The following GRAMD1C variants were observed in gnomAD, a reference collection of about 807,000 sequenced individuals.
The protein encoded by GRAMD1C is GRAM domain containing 1C, also known as protein Aster-C.
GRAMD1C carries 89 observed loss-of-function variants against 97.8 expected under a neutral mutation model. That is an observed-to-expected ratio of 0.91 (90% CI 0.77 to 1.09). The LOEUF (loss-of-function observed/expected upper bound fraction) is 1.09, where lower values mean the gene tolerates loss of function less well. Ranked by LOEUF, GRAMD1C falls within the 50% of genes least tolerant of loss-of-function variation. GRAMD1C has a pLI of 0.00. For missense variants in GRAMD1C, 740 were observed against 766.4 expected (o/e 0.97, Z 0.41); for synonymous variants, 256 against 267.0 (o/e 0.96, Z 0.40).
chr3:113,886,469 G>T (rs1935484866), intron 6 of GRAMD1C, among the ~76,000 whole-genome samples: 1 of 152,122 alleles, frequency 6.6e-6, no homozygotes, highest in Non-Finnish European at 1.5e-5. Flanking sequence ...GCTGGGCTGT[G>T]GGTGGGATAC....
chr3:113,930,699 G>A lies in GRAMD1C; in HGVS notation c.1091-15G>A. The stretch of plus-strand genomic sequence containing the variant: ...AGTTTCTAGAACTAACTCATTTTGT[G>A]TTTGTTGTTGTTAGATGTAGTATCT... On this transcript the variant is annotated splice_polypyrimidine_tract_variant and intron_variant, in intron 10 of 17. Transcript: ENST00000358160. 7.6e-7 allele frequency: 1 copy of A among 1,307,490 alleles called. No homozygotes were observed. The highest frequency in any genetic ancestry group is 1.1e-6 in the Non-Finnish European group (1 of 901,606). The allele number at this position is 1,307,490 out of a possible 1,614,324, so 81.0% of individuals were successfully genotyped here. A position where few individuals can be genotyped will look rare whatever the true frequency, so the allele number is the denominator to read the frequency against.
intron 6 of GRAMD1C, chr3:113,886,144 T>C (rs1296445957): frequency 6.8e-7 from 1 of 1,466,688 alleles, no homozygotes; most frequent in Non-Finnish European, 9.0e-7. Flanking sequence ...CTGGGCAGGG[T>C]CTGCCCCTCC....
chr3:113,926,034 G>A (rs1311271147), intron 10 of GRAMD1C, among the ~76,000 whole-genome samples: 3 of 152,142 alleles, frequency 2.0e-5, no homozygotes, highest in East Asian at 3.9e-4. Flanking sequence ...GTGTCTTGGG[G>A]ATGGTTGTCT....
chr3:113,912,157 G>C (rs1482268466), intron 9 of GRAMD1C, among the ~76,000 whole-genome samples: 1 of 152,158 alleles, frequency 6.6e-6, no homozygotes, highest in Admixed American at 6.5e-5. Flanking sequence ...CCTATGGTTA[G>C]AGTGAGTTAA....
At chr3:113,881,229 G>A (rs1349063820) in intron 5 of GRAMD1C, among the ~76,000 whole-genome samples, 1 of 152,040 alleles carries the variant, frequency 6.6e-6, no homozygotes, top group African/African-American at 2.4e-5. Flanking sequence ...ATCCTAGCTC[G>A]CTGCAACCTC....
chr3:113,850,374 C>A, intron 2 of GRAMD1C: 2 of 808,362 alleles, frequency 2.5e-6, no homozygotes, highest in Non-Finnish European at 4.4e-6. Context: ...CTGTCGGCTT[C>A]CCCTTTTGTG....
intron 17 of GRAMD1C, among the ~76,000 whole-genome samples, chr3:113,941,411 G>T (rs1364009563): frequency 6.6e-6 from 1 of 151,890 alleles, no homozygotes; most frequent in East Asian, 1.9e-4. Context: ...TACAACTCCT[G>T]TTATTCAGAT....
At position 113,843,503 on chromosome 3, in the gene GRAMD1C, A is replaced by G. The variant is rs560216666; in HGVS notation, c.28-1000A>G. On this transcript the variant is annotated intron_variant, in intron 1 of 17. Transcript: ENST00000358160. Reference sequence around the variant, plus strand: ...CGATGGGCCCATATTTTTTTGAGACAGAGTCTGGCTCTGTCACCCAGGCTG... The same window carrying G: ...CGATGGGCCCATATTTTTTTGAGACGGAGTCTGGCTCTGTCACCCAGGCTG... 6.4e-4 allele frequency among the ~76,000 whole-genome samples: 97 copies of G among 152,070 alleles called. 1 individual carries two copies. Among genetic ancestry groups the G allele is most frequent in the African/African-American group, 2.2e-3 (93 of 41,492 alleles).
At chr3:113,870,369 AACC>A (rs772762508) in intron 3 of GRAMD1C, among the ~76,000 whole-genome samples, 367 of 151,820 alleles carry the variant, frequency 2.4e-3, no homozygotes, top group Non-Finnish European at 4.0e-3. Context: ...CCCACCCCCA[AACC>A]CCCGCTCAAA....
intron 10 of GRAMD1C, chr3:113,919,639 G>T: frequency 1.5e-6 from 1 of 646,986 alleles, no homozygotes; most frequent in South Asian, 1.5e-5. Flanking sequence ...TGAGAAGACT[G>T]ACAGATTTAG....
intron 2 of GRAMD1C, among the ~76,000 whole-genome samples, chr3:113,866,562 T>C (rs1330026827): frequency 6.6e-6 from 1 of 152,228 alleles, no homozygotes; most frequent in Non-Finnish European, 1.5e-5. Context: ...AATAACCATT[T>C]TGCTATTTAT....
At chr3:113,881,635 T>G (rs1363279792) in intron 5 of GRAMD1C, among the ~76,000 whole-genome samples, 3 of 152,156 alleles carry the variant, frequency 2.0e-5, no homozygotes, top group Non-Finnish European at 4.4e-5. Flanking sequence ...AAGTGGGAAT[T>G]AGCAAGCATA....
intron 7 of GRAMD1C, among the ~76,000 whole-genome samples, chr3:113,902,871 C>T (rs113901366): frequency 0.018 from 2,686 of 152,078 alleles, 35 homozygotes; most frequent in Non-Finnish European, 0.027. Context: ...GAACTCCTGA[C>T]CTTAAGTGAT....
intron 13 of GRAMD1C, among the ~76,000 whole-genome samples, chr3:113,935,461 A>G (rs1307421839): frequency 6.6e-6 from 1 of 151,752 alleles, no homozygotes; most frequent in East Asian, 1.9e-4. Flanking sequence ...TTCTCTTTGG[A>G]TATTTCTTAA....
chr3:113,878,618 T>A (rs1430189691), intron 5 of GRAMD1C, among the ~76,000 whole-genome samples: 2 of 152,146 alleles, frequency 1.3e-5, no homozygotes, highest in African/African-American at 2.4e-5. Context: ...ACAGGCGTGA[T>A]TTATGTAATC....
In GRAMD1C at chr3:113,934,460, C is replaced by T. The variant is rs1937539392; in HGVS notation, c.1381C>T (p.Gln461Ter). 1.9e-6 allele frequency: 3 copies of T among 1,566,928 alleles called. No homozygotes were observed. The highest frequency in any genetic ancestry group is 2.6e-6 in the Non-Finnish European group (3 of 1,145,598). Residue 461 changes from glutamine (Q) to a stop codon, truncating the protein, a stop_gained, in exon 13 of 18, where the codon CAG (glutamine) becomes TAG (stop). Transcript: ENST00000358160. LOFTEE classifies it high-confidence loss of function. ...RVSTDLKYRK[Q>*]PWGLVKSLIE... is the part of the protein sequence containing the mutation. Reference sequence around the variant, plus strand: ...TTCCACAGATTTGAAATACAGAAAACAGCCATGGGGCCTTGTCAAATCTTT... The same window carrying T: ...TTCCACAGATTTGAAATACAGAAAATAGCCATGGGGCCTTGTCAAATCTTT...
chr3:113,854,479 C>A (rs181893298), intron 2 of GRAMD1C, among the ~76,000 whole-genome samples: 4 of 152,154 alleles, frequency 2.6e-5, no homozygotes, highest in African/African-American at 9.7e-5. Flanking sequence ...GGAAGCCTTT[C>A]AAGGACAATG....
intron 3 of GRAMD1C, 26 bp from the exon 4 acceptor site, chr3:113,875,458 G>A (rs1934987803): frequency 9.6e-6 from 9 of 940,486 alleles, no homozygotes; most frequent in Non-Finnish European, 1.6e-5. Flanking sequence ...TCGTGAATAA[G>A]CTGTATCTTA....
At chr3:113,930,178 A>G (rs1260206659) in intron 10 of GRAMD1C, among the ~76,000 whole-genome samples, 4 of 152,232 alleles carry the variant, frequency 2.6e-5, no homozygotes, top group Non-Finnish European at 4.4e-5. Context: ...CAGATTATAT[A>G]ATCATTTATG....
Sources: gnomAD v4.1 joint callset for allele counts (sites outside exome capture counted in the v4.1 genomes callset) on GRCh38, gnomAD v4.1.1 for gene constraint, MANE v1.5 for transcripts, NCBI Gene and HGNC (gene_info 2026-07-23, HGNC 2026-07-21) for gene names.